The following ADAM10 variants were observed in gnomAD, a reference collection of about 807,000 sequenced individuals.
ADAM10 encodes the protein ADAM metallopeptidase domain 10, also known as disintegrin and metalloproteinase domain-containing protein 10.
A neutral mutation model predicts 90.1 loss-of-function variants in ADAM10; 17 were observed. The ratio of observed to expected loss-of-function variants is 0.19; its 90% CI spans 0.13 to 0.28. The LOEUF is 0.28. Ranked by LOEUF, ADAM10 falls within the 10% of genes least tolerant of loss-of-function variation. The pLI, the probability that ADAM10 is intolerant of heterozygous loss-of-function variation, is 1.00. For missense variants in ADAM10, 610 were observed against 914.3 expected (o/e 0.67, Z 4.29); for synonymous variants, 310 against 298.6 (o/e 1.04, Z -0.40).
intron 5 of ADAM10, among the ~76,000 whole-genome samples, chr15:58,655,742 C>A (rs374150790): frequency 3.0e-3 from 117 of 39,522 alleles, no homozygotes; most frequent in South Asian, 3.5e-3. Flanking sequence ...TATATATATT[C>A]TTTTTTTTTT....
chr15:58,684,700 T>C (rs918801818), intron 2 of ADAM10, among the ~76,000 whole-genome samples: 1 of 152,220 alleles, frequency 6.6e-6, no homozygotes, highest in Non-Finnish European at 1.5e-5. Context: ...ACTGTTTTCC[T>C]GAGTTCTGTC....
intron 1 of ADAM10, among the ~76,000 whole-genome samples, chr15:58,728,996 G>GC (rs1899133148): frequency 1.3e-5 from 2 of 152,134 alleles, no homozygotes; most frequent in Non-Finnish European, 2.9e-5. Context: ...TGAGAAAACA[G>GC]CAACTAAGCC....
intron 4 of ADAM10, among the ~76,000 whole-genome samples, chr15:58,678,267 C>G (rs1456074363): frequency 6.6e-6 from 1 of 152,120 alleles, no homozygotes; most frequent in African/African-American, 2.4e-5. Context: ...CAAAAACTGT[C>G]AGAGCTGATG....
Position 58,647,248 on chromosome 15 carries a change from A to ATTTCTTTTTTT in ADAM10, c.586-1045_586-1044insAAAAAAAGAAA, listed in dbSNP as rs1162350060. 5.7e-4 allele frequency among the ~76,000 whole-genome samples: 34 copies of ATTTCTTTTTTT among 59,604 alleles called. 7 individuals are homozygous for ATTTCTTTTTTT. Among genetic ancestry groups the ATTTCTTTTTTT allele is most frequent in the African/African-American group, 1.8e-3 (34 of 18,648 alleles). 39.1% of individuals were successfully genotyped at this position (59,604 alleles called of 152,430 possible). A position where few individuals can be genotyped will look rare whatever the true frequency, so the allele number is the denominator to read the frequency against. ...TGGCAGCAAAGAGTAGACACTAAGT[A>ATTTCTTTTTTT]TTTTTTTTTTTTTTTTTTTTTTTTT... On this transcript the variant is annotated intron_variant, in intron 5 of 15. Transcript: ENST00000260408.
rs1438546362 is a variant in ADAM10 at position 58,610,909 on chromosome 15, A to G, written c.1804+90T>C. The G allele has an allele frequency of 1.5e-5, 15 of 998,922 alleles. No individual in the cohort carries two copies. The Middle Eastern group carries it at 1.1e-3, about 71-fold the overall frequency. The allele number at this position is 998,922 out of a possible 1,614,324, so 61.9% of individuals were successfully genotyped here. On this transcript the variant is annotated intron_variant, in intron 13 of 15. Transcript: ENST00000260408. Reference sequence around the variant, plus strand: ...AGATTTAGCTGGAAATTATCTGGCCAAACTGTAGGTCAAAGTTTTACACTT... The same window carrying G: ...AGATTTAGCTGGAAATTATCTGGCCGAACTGTAGGTCAAAGTTTTACACTT...
intron 4 of ADAM10, among the ~76,000 whole-genome samples, chr15:58,674,946 T>C (rs1834747): frequency 0.36 from 54,663 of 152,122 alleles, 11,253 homozygotes; most frequent in East Asian, 0.84. Flanking sequence ...TCCCAACACT[T>C]TGGGAGGCCG....
chr15:58,660,848 T>A (rs545843701), intron 5 of ADAM10, among the ~76,000 whole-genome samples: 3 of 152,386 alleles, frequency 2.0e-5, no homozygotes, highest in African/African-American at 7.2e-5. Context: ...AACATGTAGT[T>A]GTTCTCTATC....
At chr15:58,628,653 C>G (rs1332841121) in intron 9 of ADAM10, among the ~76,000 whole-genome samples, 1 of 152,178 alleles carries the variant, frequency 6.6e-6, no homozygotes, top group Non-Finnish European at 1.5e-5. Flanking sequence ...GCAGCCCCTA[C>G]CATCCTGGGG....
At chr15:58,746,441 T>C (rs1899794323) in intron 1 of ADAM10, among the ~76,000 whole-genome samples, 1 of 152,190 alleles carries the variant, frequency 6.6e-6, no homozygotes, top group African/African-American at 2.4e-5. Flanking sequence ...GAAAATACCA[T>C]TAATGTAGGC....
intron 1 of ADAM10, among the ~76,000 whole-genome samples, chr15:58,722,397 G>C (rs1898884553): frequency 6.6e-6 from 1 of 151,670 alleles, no homozygotes; most frequent in South Asian, 2.1e-4. Context: ...AAACTAGCCA[G>C]GAATGATGGC....
At chr15:58,599,753 A>G (rs1895058895) in intron 14 of ADAM10, 29 bp from the exon 15 acceptor site, 2 of 1,601,950 alleles carry the variant, frequency 1.2e-6, no homozygotes, top group East Asian at 2.2e-5. Flanking sequence ...TTCCACTGAA[A>G]AAAAAAAAAC....
intron 2 of ADAM10, among the ~76,000 whole-genome samples, chr15:58,711,761 T>C (rs936250184): frequency 6.6e-6 from 1 of 152,270 alleles, no homozygotes; most frequent in Non-Finnish European, 1.5e-5. Flanking sequence ...ACCACAAAAA[T>C]AATTCAATAT....
At chr15:58,721,364 T>A (rs1215598374) in intron 1 of ADAM10, among the ~76,000 whole-genome samples, 2 of 152,218 alleles carry the variant, frequency 1.3e-5, no homozygotes, top group African/African-American at 4.8e-5. Context: ...TCATCTTCTA[T>A]ATAAGACCTA....
At chr15:58,682,939 T>C (rs1469739891) in intron 2 of ADAM10, among the ~76,000 whole-genome samples, 9 of 152,068 alleles carry the variant, frequency 5.9e-5, no homozygotes, top group African/African-American at 2.2e-4. Flanking sequence ...AAGATCAAAA[T>C]ACTAAAGTAA....
intron 1 of ADAM10, chr15:58,748,008 G>C (rs143251314): frequency 2.2e-4 from 34 of 152,268 alleles, no homozygotes; most frequent in African/African-American, 8.2e-4. Flanking sequence ...GTTTAGAACA[G>C]AAATAACAAA....
intron 2 of ADAM10, among the ~76,000 whole-genome samples, chr15:58,715,038 T>C (rs1235467849): frequency 1.3e-5 from 2 of 152,046 alleles, no homozygotes; most frequent in African/African-American, 2.4e-5. Flanking sequence ...ATATAAAAAT[T>C]GGGAAAATAA....
chr15:58,678,997 A>T, intron 4 of ADAM10, 127 bp downstream of exon 4: 1 of 947,050 alleles, frequency 1.1e-6, no homozygotes, highest in Non-Finnish European at 1.6e-6. Context: ...AATTGCTAGT[A>T]AAAACTATGT....
At chr15:58,664,836 T>C (rs965532637) in intron 5 of ADAM10, among the ~76,000 whole-genome samples, 26 of 152,152 alleles carry the variant, frequency 1.7e-4, no homozygotes, top group Admixed American at 1.3e-3. Context: ...TATAAAACAT[T>C]TGTTTTCTTT....
chr15:58,620,451 G>C (rs1038677400), intron 11 of ADAM10, among the ~76,000 whole-genome samples: 1 of 149,866 alleles, frequency 6.7e-6, no homozygotes, highest in Non-Finnish European at 1.5e-5. Context: ...TGGGTGACAG[G>C]TTTTTCTGAG....
Sources: allele counts gnomAD v4.1 joint callset (sites outside exome capture counted in the v4.1 genomes callset), GRCh38; gene constraint gnomAD v4.1.1; transcripts MANE v1.5; gene names NCBI Gene and HGNC (gene_info 2026-07-23, HGNC 2026-07-21).